The following CEP250 variants were observed in gnomAD, a reference collection of about 807,000 sequenced individuals.
The protein encoded by CEP250 is centrosomal protein 250, also known as centrosome-associated protein CEP250.
A neutral mutation model predicts 315.7 loss-of-function variants in CEP250; 242 were observed. That is an observed-to-expected ratio of 0.77 (90% CI 0.69 to 0.85). The LOEUF (loss-of-function observed/expected upper bound fraction) is 0.85, where lower values mean the gene tolerates loss of function less well. CEP250 is among the 40% of genes least tolerant of loss of function. The pLI, the probability that CEP250 is intolerant of heterozygous loss-of-function variation, is 0.00. For missense variants in CEP250, 2,515 were observed against 2,886.4 expected, an observed-to-expected ratio of 0.87 and a Z score of 2.95; for synonymous variants, 1,088 against 1,175.0, an observed-to-expected ratio of 0.93 and a Z score of 1.51.
chr20:35,508,366 G>A (rs1251124881), intron 32 of CEP250, among the ~76,000 whole-genome samples, 176 bp downstream of exon 32: 1 of 151,884 alleles, frequency 6.6e-6, no homozygotes, highest in Non-Finnish European at 1.5e-5. Context: ...TAGAGCTGGA[G>A]TGGAATGGTA....
rs2147109279 is a variant in CEP250 at position 35,497,951 on chromosome 20, C to T, written c.3539C>T (p.Ala1180Val). 2 of 1,612,430 alleles carry T rather than the reference C, an allele frequency of 1.2e-6. No individual in the cohort carries two copies. The highest frequency in any genetic ancestry group is 2.2e-5 in the South Asian group (2 of 90,818). ...CCCGGGAACCAGGCCCAGGCCCAGG[C>T]CCAGCTGGCCAGCCTCTACTCTGCC... ...QQPGNQAQAQ[A>V]QLASLYSALQ... Residue 1180 changes from alanine (A) to valine (V), a missense_variant, in exon 26 of 35, where the codon GCC becomes GTC. Coordinates refer to ENST00000397527, the MANE Select transcript of CEP250 (RefSeq NM_007186.6).
At chr20:35,484,701 A>C (rs1005652756) in intron 20 of CEP250, among the ~76,000 whole-genome samples, 1 of 151,666 alleles carries the variant, frequency 6.6e-6, no homozygotes, top group Non-Finnish European at 1.5e-5. Context: ...CTCCTGTCTC[A>C]GCCTCCTGAG....
chr20:35,472,018 G>A (rs1171185157), intron 10 of CEP250, 32 bp from the exon 11 acceptor site: 1 of 1,270,186 alleles, frequency 7.9e-7, no homozygotes, highest in African/African-American at 1.5e-5. Flanking sequence ...TTGAGAGTTT[G>A]GCTCTGAGGC....
At chr20:35,495,127 G>A (rs913513973) in intron 24 of CEP250, among the ~76,000 whole-genome samples, 6 of 152,174 alleles carry the variant, frequency 3.9e-5, no homozygotes, top group Admixed American at 1.3e-4. Context: ...GTTCTATTCC[G>A]TAAGAGGAGA....
intron 10 of CEP250, 51 bp downstream of exon 10, chr20:35,470,037 C>T (rs765959469): frequency 1.6e-6 from 2 of 1,234,630 alleles, no homozygotes; most frequent in South Asian, 1.2e-5. Context: ...TTGTAGGTTC[C>T]TTGTGCTTTA....
chr20:35,474,271 G>A (rs1446477297), intron 14 of CEP250, among the ~76,000 whole-genome samples: 1 of 152,192 alleles, frequency 6.6e-6, no homozygotes, highest in African/African-American at 2.4e-5. Flanking sequence ...AGACACTGAG[G>A]GGGATACAGA....
At chr20:35,473,241 A>C in intron 12 of CEP250, 133 bp from the exon 13 acceptor site, 1 of 681,212 alleles carries the variant, frequency 1.5e-6, no homozygotes, top group Non-Finnish European at 2.5e-6. Flanking sequence ...CTTCTTGAAT[A>C]GTTGCATCTC....
rs1466884858 is a variant in CEP250, at chr20:35,519,139, T to C, written c.*7513T>C. On this transcript the variant is annotated 3_prime_UTR_variant, in exon 35 of 35. Coordinates refer to ENST00000397527, the MANE Select transcript of CEP250 (RefSeq NM_007186.6). Reference sequence around the variant, plus strand: ...CAGATGACAGAGGGAGAAAATGTACTTTGTAAACTGTTAGTTCAATGAGGT... The same window carrying C: ...CAGATGACAGAGGGAGAAAATGTACCTTGTAAACTGTTAGTTCAATGAGGT... 2.0e-5 allele frequency: 3 copies of C among 152,134 alleles called. No individual in the cohort carries two copies. Among genetic ancestry groups the C allele is most frequent in the African/African-American group, 7.2e-5 (3 of 41,440 alleles). The allele number at this position is 152,134 out of a possible 1,614,324, so 9.4% of individuals were successfully genotyped here.
rs73094749 is a variant in CEP250, at chr20:35,514,748, A to G, written c.*3122A>G. On this transcript the variant is annotated 3_prime_UTR_variant, in exon 35 of 35. Coordinates refer to ENST00000397527, the MANE Select transcript of CEP250 (RefSeq NM_007186.6). ...AGGGCAAGATCAATGTTGACACCAA[A>G]GTGCCAAAGGCTGTCTGCGCCAGGT... 6,744 of 152,352 alleles carry G rather than the reference A, an allele frequency of 0.044. 216 individuals carry two copies. Among genetic ancestry groups the G allele is most frequent in the Middle Eastern group, 0.11 (34 of 296 alleles). The allele number at this position is 152,352 out of a possible 1,614,324, so 9.4% of individuals were successfully genotyped here.
intron 20 of CEP250, among the ~76,000 whole-genome samples, chr20:35,484,256 CT>C (rs2063441230): frequency 6.6e-6 from 1 of 151,878 alleles, no homozygotes; most frequent in East Asian, 1.9e-4. Flanking sequence ...CTTTTTAGGC[CT>C]GAGGCAAAGG....
At chr20:35,456,223 C>A (rs1227036105) in intron 1 of CEP250, among the ~76,000 whole-genome samples, 3 of 152,172 alleles carry the variant, frequency 2.0e-5, no homozygotes, top group African/African-American at 7.2e-5. Context: ...CCCAACAATC[C>A]TATGGGGTGA....
At chr20:35,456,802 T>G (rs2062639157) in intron 1 of CEP250, among the ~76,000 whole-genome samples, 1 of 151,586 alleles carries the variant, frequency 6.6e-6, no homozygotes, top group Non-Finnish European at 1.5e-5. Flanking sequence ...TTTTTTTTTT[T>G]GAGACCTGGT....
intron 21 of CEP250, 28 bp from the exon 22 acceptor site, chr20:35,491,183 CA>C: frequency 6.2e-7 from 1 of 1,607,330 alleles, no homozygotes; most frequent in South Asian, 1.1e-5. Flanking sequence ...CCTGAGCCCA[CA>C]AGCTGTTACC....
At chr20:35,477,443 C>G (rs2063205555) in intron 16 of CEP250, among the ~76,000 whole-genome samples, 1 of 152,240 alleles carries the variant, frequency 6.6e-6, no homozygotes. Flanking sequence ...GCATGAGCCA[C>G]CATACCCGGC....
At chr20:35,495,520 G>A (rs1387263002) in intron 24 of CEP250, among the ~76,000 whole-genome samples, 2 of 152,148 alleles carry the variant, frequency 1.3e-5, no homozygotes, top group African/African-American at 4.8e-5. Flanking sequence ...AGCACTTTGG[G>A]AGGCTGAGGT....
In CEP250 at chr20:35,508,078, A is replaced by G. The variant is rs1295812047; in HGVS notation, c.6794A>G (p.Lys2265Arg). The change falls in exon 32 of 35, where the codon AAG becomes AGG. Residue 2265 changes from lysine (K) to arginine (R), a missense_variant. Transcript: ENST00000397527. ...GAGCCTAGTCCTGATGGAATGGAGA[A>G]GCAGTCATGGAGACAAAGGCTTGAA... ...EAEPSPDGME[K>R]QSWRQRLEHL... 12 of 1,614,214 alleles carry G rather than the reference A, an allele frequency of 7.4e-6. No individual in the cohort carries two copies. The highest frequency in any genetic ancestry group is 3.3e-5 in the Admixed American group (2 of 60,030).
At chr20:35,461,840 AATG>A (rs2062763622) in intron 3 of CEP250, among the ~76,000 whole-genome samples, 3 of 152,252 alleles carry the variant, frequency 2.0e-5, no homozygotes, top group Middle Eastern at 3.4e-3. Flanking sequence ...AAGTGTTAAC[AATG>A]ATGATGATGA....
chr20:35,504,235 G>A lies in CEP250; in HGVS notation c.5866G>A (p.Glu1956Lys), dbSNP rs1395138601. The change falls in exon 30 of 35, where the codon GAG (glutamate) becomes AAG (lysine). Residue 1956 changes from glutamate (E) to lysine (K), a missense_variant. Glu to Lys is a moderately conservative substitution (Grantham distance 56). Transcript: ENST00000397527. ...RAESQSSRHQ[E>K]EAARARAEAL... Reference sequence around the variant, plus strand: ...AGAAAGTCAGTCCTCCCGGCATCAGGAGGAGGCTGCCCGGGCCCGGGCTGA... The same window carrying A: ...AGAAAGTCAGTCCTCCCGGCATCAGAAGGAGGCTGCCCGGGCCCGGGCTGA... 4 of 1,606,514 alleles carry A rather than the reference G, an allele frequency of 2.5e-6. No homozygotes were observed. In the South Asian group the frequency reaches 4.4e-5, roughly 18 times the overall value.
intron 23 of CEP250, 80 bp from the exon 24 acceptor site, chr20:35,494,444 C>T: frequency 6.3e-6 from 10 of 1,575,924 alleles, no homozygotes; most frequent in Non-Finnish European, 7.8e-6. Flanking sequence ...CCTCGAAGGA[C>T]CCTGAAGCCC....
Sources: allele counts gnomAD v4.1 joint callset (sites outside exome capture counted in the v4.1 genomes callset), GRCh38; gene constraint gnomAD v4.1.1; transcripts MANE v1.5; gene names NCBI Gene and HGNC (gene_info 2026-07-23, HGNC 2026-07-21).